The following CDYL variants were observed in gnomAD, a reference collection of about 807,000 sequenced individuals.
CDYL encodes chromodomain Y-like protein.
A neutral mutation model predicts 47.3 loss-of-function variants in CDYL; 8 were observed. The ratio of observed to expected loss-of-function variants is 0.17; its 90% confidence interval spans 0.10 to 0.31. The LOEUF (loss-of-function observed/expected upper bound fraction) is 0.31, where lower values mean the gene tolerates loss of function less well. Ranked by LOEUF, CDYL falls within the 10% of genes least tolerant of loss-of-function variation. The probability of loss-of-function intolerance (pLI) is 1.00; values close to 1 mark genes in which losing one functional copy is unlikely to be tolerated. For missense variants in CDYL, 471 were observed against 701.4 expected (o/e 0.67, Z 3.71); for synonymous variants, 266 against 265.0 (o/e 1.00, Z -0.04).
At chr6:4,873,515 T>C (rs1761532080) in intron 1 of CDYL, among the ~76,000 whole-genome samples, 1 of 152,042 alleles carries the variant, frequency 6.6e-6, no homozygotes, top group African/African-American at 2.4e-5. Flanking sequence ...GAAGGAAAAA[T>C]TGGGATAATG....
At chr6:4,945,566 A>G (rs565602062) in intron 5 of CDYL, among the ~76,000 whole-genome samples, 2 of 152,354 alleles carry the variant, frequency 1.3e-5, no homozygotes, top group East Asian at 3.9e-4. Flanking sequence ...GAGTTGCTGC[A>G]CTTGTCCACT....
In CDYL at chr6:4,912,481, G is replaced by A. The variant is rs540806016; in HGVS notation, c.691+20102G>A. On this transcript the variant is annotated intron_variant, in intron 2 of 6. Coordinates refer to ENST00000397588, the MANE Select transcript of CDYL (RefSeq NM_004824.4). ...GCACTTACAGTTGCTGACTGGCAGG[G>A]GCGGAACGCCGTAGGGCTTTGTAGC... Among the ~76,000 whole-genome samples, 9 of 152,372 alleles carry A rather than the reference G, an allele frequency of 5.9e-5. No homozygotes were observed. The South Asian group carries it at 1.9e-3, about 32-fold the overall frequency.
chr6:4,706,652 G>A (rs1002971286), intron 1 of CDYL, among the ~76,000 whole-genome samples: 1 of 152,046 alleles, frequency 6.6e-6, no homozygotes, highest in African/African-American at 2.4e-5. Context: ...AGCCAGGTGT[G>A]GTGGTGCGCG....
chr6:4,822,132 C>A (rs1759856196), intron 1 of CDYL, among the ~76,000 whole-genome samples: 1 of 151,472 alleles, frequency 6.6e-6, no homozygotes, highest in African/African-American at 2.4e-5. Flanking sequence ...CAGTGCCTGG[C>A]AAATTTTTCT....
Position 4,936,762 on chromosome 6 carries a change from G to A in CDYL, c.949-803G>A, listed in dbSNP as rs151021028. ...TGAGTTTCTTTCAACTGGTTTGAAT[G>A]TGCCACCTGCTGTCCAAACTGGAGA... On this transcript the variant is annotated intron_variant, in intron 3 of 6. Coordinates refer to ENST00000397588, the MANE Select transcript of CDYL (RefSeq NM_004824.4). Among the ~76,000 whole-genome samples, 550 of 152,244 alleles carry A rather than the reference G, an allele frequency of 3.6e-3. 2 individuals are homozygous for A. Among genetic ancestry groups the A allele is most frequent in the African/African-American group, 0.012 (502 of 41,526 alleles).
chr6:4,731,939 T>C (rs1757612564), intron 2 of CDYL, among the ~76,000 whole-genome samples: 1 of 152,202 alleles, frequency 6.6e-6, no homozygotes, highest in Admixed American at 6.5e-5. Context: ...TCGGTGTCAA[T>C]TACATGAGGT....
intron 1 of CDYL, among the ~76,000 whole-genome samples, chr6:4,841,567 T>A (rs544428971): frequency 6.6e-6 from 1 of 152,286 alleles, no homozygotes; most frequent in Non-Finnish European, 1.5e-5. Context: ...CTTTGCTGTA[T>A]CCCAGAAGTT....
At chr6:4,789,730 T>C (rs551149289) in intron 1 of CDYL, among the ~76,000 whole-genome samples, 1 of 152,280 alleles carries the variant, frequency 6.6e-6, no homozygotes, top group East Asian at 1.9e-4. Context: ...TCTCCTGCCT[T>C]TGGCCCTATC....
intron 1 of CDYL, among the ~76,000 whole-genome samples, chr6:4,831,749 A>C (rs1046624488): frequency 2.0e-5 from 3 of 152,060 alleles, no homozygotes; most frequent in Non-Finnish European, 2.9e-5. Context: ...CTTTAATTTC[A>C]TTGAGCAGTG....
chr6:4,819,095 CTCTTTT>C (rs1047613026), intron 1 of CDYL, among the ~76,000 whole-genome samples: 3 of 138,632 alleles, frequency 2.2e-5, no homozygotes, highest in African/African-American at 7.9e-5. Context: ...TGCTACCTGG[CTCTTTT>C]TCTTTTTAGG....
intron 2 of CDYL, among the ~76,000 whole-genome samples, chr6:4,720,465 A>C (rs1238812903): frequency 6.6e-6 from 1 of 152,200 alleles, no homozygotes; most frequent in Non-Finnish European, 1.5e-5. Context: ...AATGTCTTTC[A>C]CATTCTTTAT....
intron 1 of CDYL, among the ~76,000 whole-genome samples, chr6:4,861,077 C>A (rs1011722180): frequency 6.6e-6 from 1 of 152,194 alleles, no homozygotes; most frequent in Non-Finnish European, 1.5e-5. Context: ...GAGACTAGTT[C>A]ATTAACGGCA....
At chr6:4,791,922 G>T (rs1472754902) in intron 1 of CDYL, among the ~76,000 whole-genome samples, 1 of 146,092 alleles carries the variant, frequency 6.8e-6, no homozygotes, top group Non-Finnish European at 1.5e-5. Flanking sequence ...TTGCTCTGTT[G>T]CCCAGGCTGG....
At chr6:4,902,568 C>A (rs890199260) in intron 2 of CDYL, among the ~76,000 whole-genome samples, 5 of 152,168 alleles carry the variant, frequency 3.3e-5, no homozygotes, top group Non-Finnish European at 1.5e-5. Context: ...TGAGCTGTGC[C>A]CAGCTCTGTA....
chr6:4,933,878 T>C (rs1263132174), intron 2 of CDYL, among the ~76,000 whole-genome samples: 2 of 152,210 alleles, frequency 1.3e-5, no homozygotes, highest in African/African-American at 4.8e-5. Context: ...GTAGTGCGTA[T>C]TGCAGTGTGA....
At chr6:4,936,223 T>G (rs1315780502) in intron 3 of CDYL, among the ~76,000 whole-genome samples, 1 of 152,184 alleles carries the variant, frequency 6.6e-6, no homozygotes, top group Non-Finnish European at 1.5e-5. Flanking sequence ...TTATCATCTT[T>G]CCAGTCCCCA....
intron 2 of CDYL, among the ~76,000 whole-genome samples, chr6:4,915,378 G>T (rs1757528314): frequency 6.6e-6 from 1 of 152,170 alleles, no homozygotes; most frequent in African/African-American, 2.4e-5. Context: ...TTTGACATTA[G>T]AATTGTAAAC....
intron 1 of CDYL, among the ~76,000 whole-genome samples, chr6:4,869,557 T>C (rs1254046403): frequency 6.6e-6 from 1 of 152,208 alleles, no homozygotes. Flanking sequence ...AATGTGTTTG[T>C]TTTTATTTTT....
chr6:4,952,446 A>T, intron 6 of CDYL, 37 bp downstream of exon 6: 1 of 1,577,186 alleles, frequency 6.3e-7, no homozygotes, highest in East Asian at 2.3e-5. Context: ...TTACTTTTTA[A>T]AAAATAGAAA....
Sources: gnomAD v4.1 joint callset for allele counts (sites outside exome capture counted in the v4.1 genomes callset) on GRCh38, gnomAD v4.1.1 for gene constraint, MANE v1.5 for transcripts, NCBI Gene and HGNC (gene_info 2026-07-23, HGNC 2026-07-21) for gene names.